The following EPAS1 variants were observed in gnomAD, a reference collection of about 807,000 sequenced individuals.
EPAS1 encodes endothelial PAS domain protein 1.
EPAS1 carries 23 observed loss-of-function variants against 87.9 expected under a neutral mutation model. The observed-to-expected ratio is 0.26, with a 90% confidence interval of 0.19 to 0.37. EPAS1 has a LOEUF of 0.37. Ranked by LOEUF, EPAS1 falls within the 10% of genes least tolerant of loss-of-function variation. The probability of loss-of-function intolerance (pLI) is 1.00; values close to 1 mark genes in which losing one functional copy is unlikely to be tolerated. For missense variants in EPAS1, 1,138 were observed against 1,120.7 expected, an observed-to-expected ratio of 1.02 and a Z score of -0.22; for synonymous variants, 508 against 444.3, an observed-to-expected ratio of 1.14 and a Z score of -1.80.
At chr2:46,378,938 T>A (rs1451931499) in intron 11 of EPAS1, among the ~76,000 whole-genome samples, 171 bp downstream of exon 11, 2 of 152,210 alleles carry the variant, frequency 1.3e-5, no homozygotes, top group Non-Finnish European at 2.9e-5. Flanking sequence ...GAGCCTGTGG[T>A]CACCCCCTCC....
At chr2:46,350,647 C>A (rs1265050916) in intron 2 of EPAS1, among the ~76,000 whole-genome samples, 1 of 152,252 alleles carries the variant, frequency 6.6e-6, no homozygotes, top group Non-Finnish European at 1.5e-5. Context: ...GCCCCACAAA[C>A]CATGAGCGAA....
intron 10 of EPAS1, among the ~76,000 whole-genome samples, chr2:46,378,402 T>C (rs1684805559): frequency 6.6e-6 from 1 of 152,242 alleles, no homozygotes; most frequent in South Asian, 2.1e-4. Context: ...GCCTGTATCC[T>C]GTTTGGTCCT....
chr2:46,380,405 C>T lies in EPAS1; in HGVS notation c.1733C>T (p.Ala578Val), dbSNP rs776284833. The change falls in exon 12 of 16, where the codon GCC becomes GTC. Residue 578 changes from alanine to valine, a missense_variant. Coordinates refer to ENST00000263734, the MANE Select transcript of EPAS1 (RefSeq NM_001430.5). This position sits in a 1 kb window ranked among gnomAD's most constrained non-coding sequence, Gnocchi z 4.4. ...TNIFQPLAPV[A>V]PHSPFLLDKF... ...ATCTTCCAGCCACTGGCCCCTGTAG[C>T]CCCGCACAGTCCCTTCCTCCTGGAC... 2.0e-5 allele frequency: 33 copies of T among 1,614,060 alleles called. No individual in the cohort carries two copies. The highest frequency in any genetic ancestry group is 5.1e-6 in the Non-Finnish European group (6 of 1,180,038).
At chr2:46,332,032 G>A (rs533075704) in intron 1 of EPAS1, among the ~76,000 whole-genome samples, 2 of 152,350 alleles carry the variant, frequency 1.3e-5, no homozygotes, top group South Asian at 4.1e-4. Context: ...AACTGAGTGT[G>A]CAGGCCGGCC....
chr2:46,324,908 A>G (rs4953342), intron 1 of EPAS1, among the ~76,000 whole-genome samples: 38,311 of 152,226 alleles, frequency 0.25, 5,866 homozygotes, highest in East Asian at 0.65. Context: ...TCTTTCTTCT[A>G]TCTCACCCAG....
At position 46,360,738 on chromosome 2, in the gene EPAS1, C is replaced by G. The variant is rs766114290; in HGVS notation, c.555C>G (p.Leu185=). Residue 185 remains leucine (L), a synonymous_variant, in exon 5 of 16, where the codon CTC becomes CTG. Transcript: ENST00000263734. The surrounding 1 kb of genome is among the most constrained non-coding windows in gnomAD (Gnocchi z 4.5). ...TVTNRGRTVN[L]KSATWKVLHC... is the part of the protein sequence containing the mutation. ...CCAACAGAGGCCGTACTGTCAACCT[C>G]AAGTCAGCCACCTGGAAGGTAGGGC... The G allele has an allele frequency of 2.5e-6, 4 of 1,614,068 alleles. No individual in the cohort carries two copies. Among genetic ancestry groups the G allele is most frequent in the Non-Finnish European group, 1.7e-6 (2 of 1,180,030 alleles).
chr2:46,368,464 G>A (rs1165737458), intron 6 of EPAS1, among the ~76,000 whole-genome samples: 1 of 152,186 alleles, frequency 6.6e-6, no homozygotes, highest in Non-Finnish European at 1.5e-5. Context: ...GGACTTGGAA[G>A]TTACGCAGCA....
At chr2:46,298,713 G>A (rs907170618) in intron 1 of EPAS1, among the ~76,000 whole-genome samples, 3 of 152,228 alleles carry the variant, frequency 2.0e-5, no homozygotes, top group Admixed American at 1.3e-4. Flanking sequence ...GCCCTCGCGA[G>A]CCTCTCGGCA....
At chr2:46,308,047 C>T (rs1004911138) in intron 1 of EPAS1, among the ~76,000 whole-genome samples, 1 of 152,142 alleles carries the variant, frequency 6.6e-6, no homozygotes, top group African/African-American at 2.4e-5. Flanking sequence ...TCACCTCTAT[C>T]GCCCATTCAC....
intron 1 of EPAS1, among the ~76,000 whole-genome samples, chr2:46,323,821 G>C (rs1280819052): frequency 6.6e-6 from 1 of 152,192 alleles, no homozygotes; most frequent in East Asian, 1.9e-4. Flanking sequence ...CCACAGGGAA[G>C]CCAAAACAGA....
chr2:46,342,216 C>T (rs1418523585), intron 1 of EPAS1, among the ~76,000 whole-genome samples: 1 of 152,194 alleles, frequency 6.6e-6, no homozygotes, highest in Non-Finnish European at 1.5e-5. Flanking sequence ...GGTTCTGCCC[C>T]AGTTAAGTAT....
intron 2 of EPAS1, among the ~76,000 whole-genome samples, chr2:46,351,012 G>A (rs1684134596): frequency 1.3e-5 from 2 of 152,170 alleles, no homozygotes; most frequent in Admixed American, 6.5e-5. Flanking sequence ...AAAGAATTGT[G>A]GAGGCAGATA....
chr2:46,357,725 G>A (rs1403819227), intron 4 of EPAS1, among the ~76,000 whole-genome samples: 4 of 152,214 alleles, frequency 2.6e-5, no homozygotes, highest in Admixed American at 1.3e-4. Context: ...GGTCAAGTAG[G>A]TTTTGATGGA....
At chr2:46,303,126 T>G (rs572354410) in intron 1 of EPAS1, among the ~76,000 whole-genome samples, 1 of 152,300 alleles carries the variant, frequency 6.6e-6, no homozygotes, top group African/African-American at 2.4e-5. Flanking sequence ...CATGCTTTTC[T>G]GTAGAAATCT....
intron 1 of EPAS1, among the ~76,000 whole-genome samples, chr2:46,313,934 G>A (rs538135737): frequency 6.6e-6 from 1 of 152,268 alleles, no homozygotes; most frequent in South Asian, 2.1e-4. Flanking sequence ...AGGTTGTCAG[G>A]TCTTTGTCTT....
At position 46,380,357 on chromosome 2, in the gene EPAS1, A is replaced by G; in HGVS notation, c.1685A>G (p.His562Arg). The G allele has an allele frequency of 6.2e-7, 1 of 1,614,054 alleles. No homozygotes were observed. The highest frequency in any genetic ancestry group is 8.5e-7 in the Non-Finnish European group (1 of 1,179,982). The change falls in exon 12 of 16, where the codon CAC becomes CGC. Residue 562 changes from histidine (H) to arginine (R), a missense_variant. By Grantham distance (29) the His-to-Arg change is conservative. This residue lies in a region of EPAS1 where 502 missense variants were observed against 427.1 expected (regional missense o/e 1.18). Transcript: ENST00000263734. The surrounding 1 kb of genome is among the most constrained non-coding windows in gnomAD (Gnocchi z 4.4). Reference sequence around the variant, plus strand: ...GAGAACCCACAGTCCACCCCCCAGCACTGCTTCAGTGCCATGACAAACATC... The same window carrying G: ...GAGAACCCACAGTCCACCCCCCAGCGCTGCTTCAGTGCCATGACAAACATC... ...LAENPQSTPQ[H>R]CFSAMTNIFQ...
At chr2:46,327,945 C>A (rs1683595955) in intron 1 of EPAS1, among the ~76,000 whole-genome samples, 1 of 152,204 alleles carries the variant, frequency 6.6e-6, no homozygotes, top group Non-Finnish European at 1.5e-5. Context: ...AAGGTGAATT[C>A]TCTGCTCCCA....
intron 6 of EPAS1, among the ~76,000 whole-genome samples, chr2:46,365,160 T>C (rs548179478): frequency 6.6e-6 from 1 of 152,306 alleles, no homozygotes; most frequent in South Asian, 2.1e-4. Flanking sequence ...CCCACTGCGA[T>C]TTTGTCAGTT....
intron 4 of EPAS1, 52 bp downstream of exon 4, chr2:46,356,860 C>T: frequency 7.5e-7 from 1 of 1,326,120 alleles, no homozygotes; most frequent in Non-Finnish European, 1.1e-6. Flanking sequence ...TGGGAATCTG[C>T]CTCCCCTTTG....
Sources: gnomAD v4.1 joint callset for allele counts (sites outside exome capture counted in the v4.1 genomes callset) on GRCh38, gnomAD v4.1.1 for gene constraint, gnomAD v4.1.1 regional missense constraint, Gnocchi (gnomAD v3.1) non-coding constraint, MANE v1.5 for transcripts, NCBI Gene and HGNC (gene_info 2026-07-23, HGNC 2026-07-21) for gene names.